The following CASKIN1 variants were observed in gnomAD, a reference collection of about 807,000 sequenced individuals.
CASKIN1 encodes the protein CASK interacting protein 1.
CASKIN1 carries 42 observed loss-of-function variants against 117.5 expected under a neutral mutation model. The ratio of observed to expected loss-of-function variants is 0.36; its 90% CI spans 0.28 to 0.46. The LOEUF (loss-of-function observed/expected upper bound fraction) is 0.46, where lower values mean the gene tolerates loss of function less well. Among genes scored for constraint, CASKIN1 ranks in the 20% least tolerant of loss-of-function variants. The pLI is 1.00. For synonymous variants in CASKIN1, 1,148 were observed against 961.7 expected (o/e 1.19, Z -3.59); for missense variants, 2,083 against 2,077.3 (o/e 1.00, Z -0.05).
chr16:2,184,244 A>T (rs976607146), intron 14 of CASKIN1, among the ~76,000 whole-genome samples: 1 of 151,958 alleles, frequency 6.6e-6, no homozygotes, highest in Non-Finnish European at 1.5e-5. Context: ...CTGCTCCTGC[A>T]CCAGGGACGC....
Position 2,187,035 on chromosome 16 carries a change from A to C in CASKIN1, c.873T>G (p.Asp291Glu), listed in dbSNP as rs776123737. The change falls in exon 9 of 20, where the codon GAT becomes GAG. Residue 291 changes from aspartate to glutamate, a missense_variant. Asp to Glu is a conservative substitution (Grantham distance 45, BLOSUM62 2). Transcript: ENST00000343516. ...TGGTCAGGTCGTAATTGTTGCAATAATCCTTGGTCGCCCGGACCTGCAGGG... is the reference window on the plus strand; with the variant it reads ...TGGTCAGGTCGTAATTGTTGCAATACTCCTTGGTCGCCCGGACCTGCAGGG... ...SAALQVRATKDYCNNYDLTSL... is the reference protein window; with the variant it reads ...SAALQVRATKEYCNNYDLTSL... The C allele has an allele frequency of 5.6e-6, 9 of 1,613,636 alleles. No individual in the cohort carries two copies. Among genetic ancestry groups the C allele is most frequent in the Non-Finnish European group, 7.6e-6 (9 of 1,179,884 alleles).
In CASKIN1 at chr16:2,185,197, C is replaced by T. The variant is rs764148719; in HGVS notation, c.1153G>A (p.Gly385Arg). Residue 385 changes from glycine to arginine, a missense_variant and splice_region_variant, in exon 12 of 20, where the codon GGG becomes AGG. Coordinates refer to ENST00000343516, the MANE Select transcript of CASKIN1 (RefSeq NM_020764.4). ...CCGCTAATGCTGCCGCTTCGGTCCC[C>T]ACCTGCCAGCACAAGGGAGCAAGAT... is the stretch of plus-strand genomic sequence containing the variant. ...IWVLRKPFAG[G>R]DRSGSISGMA... 16 of 1,611,258 alleles carry T rather than the reference C, an allele frequency of 9.9e-6. No homozygotes were observed. Among genetic ancestry groups the T allele is most frequent in the South Asian group, 3.3e-5 (3 of 90,858 alleles).
Position 2,196,366 on chromosome 16 carries a change from G to C in CASKIN1, c.67C>G (p.Leu23Val). Residue 23 changes from leucine (L) to valine (V), a missense_variant, in exon 1 of 20, where the codon CTG (leucine) becomes GTG (valine). Leu to Val is a conservative substitution (Grantham distance 32). Transcript: ENST00000343516. The surrounding 1 kb of genome is among the most constrained non-coding windows in gnomAD (Gnocchi z 5.7). ...GCCTTCCCGGGCCGCGGCCTCTGCA[G>C]CAGCCTCTGCGCGGTCCCTACGTCC... ...AEDVGTAQRL[L>V]QRPRPGKAKL... The C allele has an allele frequency of 7.4e-7, 1 of 1,351,204 alleles. No homozygotes were observed. The highest frequency in any genetic ancestry group is 9.6e-7 in the Non-Finnish European group (1 of 1,038,594). 83.7% of individuals were successfully genotyped at this position (1,351,204 alleles called of 1,614,324 possible).
Position 2,180,450 on chromosome 16 carries a change from T to G in CASKIN1, c.2918A>C (p.Glu973Ala), listed in dbSNP as rs1165600446. The G allele has an allele frequency of 1.9e-6, 3 of 1,559,410 alleles. No individual in the cohort carries two copies. Among genetic ancestry groups the G allele is most frequent in the Non-Finnish European group, 2.6e-6 (3 of 1,159,700 alleles). ...TGCCCGGACCCCCAGCAGGCCATCC[T>G]CAGGCTCGGCGTCAGGCACCGGCTC... ...ADEPVPDAEP[E>A]DGLLGVRAQC... The change falls in exon 18 of 20, where the codon GAG becomes GCG. Residue 973 changes from glutamate (E) to alanine (A), a missense_variant. This residue lies in a region of CASKIN1 where 1,818 missense variants were observed against 1,688.9 expected (regional missense o/e 1.08). Coordinates refer to ENST00000343516, the MANE Select transcript of CASKIN1 (RefSeq NM_020764.4).
At position 2,179,734 on chromosome 16, in the gene CASKIN1, G is replaced by T. The variant is rs749383593; in HGVS notation, c.3634C>A (p.Pro1212Thr). 1.4e-5 allele frequency: 22 copies of T among 1,553,060 alleles called. No homozygotes were observed. In the East Asian group the frequency reaches 5.0e-4, roughly 35 times the overall value. The part of the protein sequence containing the change: ...PTDLAHLPPL[P>T]PPEGEARKPA... ...TTCCGGGCTTCGCCCTCGGGCGGGG[G>T]CAATGGGGGTAGGTGCGCCAGGTCG... Residue 1212 changes from proline (P) to threonine (T), a missense_variant, in exon 18 of 20, where the codon CCC becomes ACC. By Grantham distance (38) the Pro-to-Thr change is conservative. Transcript: ENST00000343516. This position sits in a 1 kb window ranked among gnomAD's most constrained non-coding sequence, Gnocchi z 5.8.
intron 14 of CASKIN1, among the ~76,000 whole-genome samples, chr16:2,184,176 T>TG (rs1446580895): frequency 3.9e-5 from 4 of 101,898 alleles, no homozygotes; most frequent in Non-Finnish European, 6.5e-5. Flanking sequence ...TCTCCACCGG[T>TG]GGGGGGAGGG....
intron 1 of CASKIN1, among the ~76,000 whole-genome samples, chr16:2,193,557 G>A (rs1303345646): frequency 6.6e-6 from 1 of 152,186 alleles, no homozygotes; most frequent in Non-Finnish European, 1.5e-5. Flanking sequence ...TCCAAGCCAG[G>A]CCCTGTCCTC....
chr16:2,193,451 C>T lies in CASKIN1; in HGVS notation c.94+2888G>A, dbSNP rs1032251926. 2.0e-5 allele frequency among the ~76,000 whole-genome samples: 3 copies of T among 152,238 alleles called. No homozygotes were observed. The South Asian group carries it at 6.2e-4, about 31-fold the overall frequency. ...CAGGTGTCACTGTCCCGTGCATCCCCGCCAGGACCACACTCAGGAGGTTCT... is the reference window on the plus strand; with the variant it reads ...CAGGTGTCACTGTCCCGTGCATCCCTGCCAGGACCACACTCAGGAGGTTCT... On this transcript the variant is annotated intron_variant, in intron 1 of 19. Coordinates refer to ENST00000343516, the MANE Select transcript of CASKIN1 (RefSeq NM_020764.4).
At chr16:2,192,394 G>A (rs552818378) in intron 1 of CASKIN1, among the ~76,000 whole-genome samples, 6 of 152,082 alleles carry the variant, frequency 3.9e-5, no homozygotes, top group Non-Finnish European at 8.8e-5. Flanking sequence ...GGGAGGGGAG[G>A]CCGACAACGG....
Position 2,179,036 on chromosome 16 carries a change from C to CGCGGCGGCG in CASKIN1, c.4056_4064dup (p.Ala1353_Ala1355dup), listed in dbSNP as rs553373927. On this transcript the variant is annotated inframe_insertion, in exon 19 of 20. Coordinates refer to ENST00000343516, the MANE Select transcript of CASKIN1 (RefSeq NM_020764.4). This position sits in a 1 kb window ranked among gnomAD's most constrained non-coding sequence, Gnocchi z 5.8. ...AGGCGCCTTCGGGCGGGGCGGGGGGCGCGGCGGCGGCGGCGGCGGCGGCGG... is the reference window on the plus strand; with the variant it reads ...AGGCGCCTTCGGGCGGGGCGGGGGGCGCGGCGGCGGCGGCGGCGGCGGCGGCGGCGGCGG... The CGCGGCGGCG allele has an allele frequency of 1.4e-4, 155 of 1,116,492 alleles. No individual in the cohort carries two copies. In the South Asian group the frequency reaches 1.6e-3, roughly 12 times the overall value. The allele number at this position is 1,116,492 out of a possible 1,614,324, so 69.2% of individuals were successfully genotyped here. A position where few individuals can be genotyped will look rare whatever the true frequency, so the allele number is the denominator to read the frequency against.
At position 2,179,991 on chromosome 16, in the gene CASKIN1, C is replaced by T; in HGVS notation, c.3377G>A (p.Arg1126Lys). The T allele has an allele frequency of 1.2e-6, 2 of 1,604,970 alleles. No individual in the cohort carries two copies. The highest frequency in any genetic ancestry group is 1.7e-6 in the Non-Finnish European group (2 of 1,176,284). Reference protein sequence around the residue: ...AKVEASATLKRRIRAKQNQQE... With the variant: ...AKVEASATLKKRIRAKQNQQE... ...CTGGTTCTGCTTGGCCCGGATGCGC[C>T]TCTTGAGTGTGGCGCTGGCTTCCAC... The change falls in exon 18 of 20, where the codon AGG (arginine) becomes AAG (lysine). Residue 1126 changes from arginine (R) to lysine (K), a missense_variant. By Grantham distance (26) the Arg-to-Lys change is conservative (BLOSUM62 2). Transcript: ENST00000343516. The surrounding 1 kb of genome is among the most constrained non-coding windows in gnomAD (Gnocchi z 5.8).
Position 2,181,879 on chromosome 16 carries a change from C to T in CASKIN1, c.1680G>A (p.Lys560=). ...TCTCGTAGCCATTGTCCACCAACAC[C>T]TTGTAGTACTGGGCCAGGCCGATCA... ...LSMIGLAQYY[K]VLVDNGYENI... is the part of the protein sequence containing the mutation. The change falls in exon 17 of 20, where the codon AAG becomes AAA. Residue 560 remains lysine, a synonymous_variant. Transcript: ENST00000343516. The T allele has an allele frequency of 3.1e-6, 5 of 1,613,828 alleles. No homozygotes were observed. The highest frequency in any genetic ancestry group is 1.1e-5 in the South Asian group (1 of 91,086).
intron 19 of CASKIN1, 58 bp downstream of exon 19, chr16:2,178,843 GC>G: frequency 7.4e-7 from 1 of 1,355,638 alleles, no homozygotes; most frequent in Non-Finnish European, 9.5e-7. Flanking sequence ...TCTCTGCCGA[GC>G]CCCGCCCATC....
Position 2,183,646 on chromosome 16 carries a change from G to C in CASKIN1, c.1629C>G (p.Pro543=). The change falls in exon 16 of 20, where the codon CCC becomes CCG. Residue 543 remains proline (P), a splice_region_variant and synonymous_variant. Transcript: ENST00000343516. Reference sequence around the variant, plus strand: ...GCCCCTGGGATGCAGGTGGCCTTACGGGTTTGTGCTCAGGCAGCCAGTCAG... The same window carrying C: ...GCCCCTGGGATGCAGGTGGCCTTACCGGTTTGTGCTCAGGCAGCCAGTCAG... The part of the protein sequence containing the change: ...SIPDWLPEHK[P]ANLAVWLSMI... 2 of 1,612,804 alleles carry C rather than the reference G, an allele frequency of 1.2e-6. No homozygotes were observed. The highest frequency in any genetic ancestry group is 1.7e-6 in the Non-Finnish European group (2 of 1,179,726).
In CASKIN1 at chr16:2,180,511, A is replaced by C; in HGVS notation, c.2857T>G (p.Ser953Ala). The change falls in exon 18 of 20, where the codon TCC becomes GCC. Residue 953 changes from serine to alanine, a missense_variant. Ser to Ala is a moderately conservative substitution (Grantham distance 99). Around this residue, in one of 3 missense-constraint regions of CASKIN1, gnomAD observed 1,818 missense variants for 1,688.9 expected, o/e 1.08. Transcript: ENST00000343516. ...TTGGCACTAGCCAGGGCCGAGCTGG[A>C]GCGCTTGGGTGGGGGCGGCGGGGGC... ...KGPPPPPPKR[S>A]SSALASANLA... 1 of 1,551,286 alleles carries C rather than the reference A, an allele frequency of 6.4e-7. No homozygotes were observed. Among genetic ancestry groups the C allele is most frequent in the Non-Finnish European group, 8.7e-7 (1 of 1,154,568 alleles).
chr16:2,178,878 C>T, intron 19 of CASKIN1, 24 bp downstream of exon 19: 2 of 1,399,940 alleles, frequency 1.4e-6, no homozygotes, highest in East Asian at 3.1e-5. Context: ...GCCCTCCGCC[C>T]GCCAGGCCCC....
In CASKIN1 at chr16:2,179,545, G is replaced by A. The variant is rs1170791911; in HGVS notation, c.3775+48C>T. On this transcript the variant is annotated intron_variant, in intron 18 of 19. Coordinates refer to ENST00000343516, the MANE Select transcript of CASKIN1 (RefSeq NM_020764.4). This position sits in a 1 kb window ranked among gnomAD's most constrained non-coding sequence, Gnocchi z 5.8. ...AACCCCTCAGACCACCGAGTAAGGAGGTGGAGCAGGGTCCTGTTGCCCCTT... is the reference window on the plus strand; with the variant it reads ...AACCCCTCAGACCACCGAGTAAGGAAGTGGAGCAGGGTCCTGTTGCCCCTT... 2 of 1,412,872 alleles carry A rather than the reference G, an allele frequency of 1.4e-6. No individual in the cohort carries two copies. The highest frequency in any genetic ancestry group is 2.6e-5 in the East Asian group (1 of 37,812). 87.5% of individuals were successfully genotyped at this position (1,412,872 alleles called of 1,614,324 possible). A position where few individuals can be genotyped will look rare whatever the true frequency, so the allele number is the denominator to read the frequency against.
chr16:2,187,493 C>A (rs1714792784), intron 6 of CASKIN1, 32 bp from the exon 7 acceptor site: 1 of 1,577,752 alleles, frequency 6.3e-7, no homozygotes, highest in Non-Finnish European at 8.6e-7. Flanking sequence ...CAGGCGGGGC[C>A]TTCCAGCAGG....
At chr16:2,190,485 A>G in intron 1 of CASKIN1, 127 bp from the exon 2 acceptor site, 2 of 833,960 alleles carry the variant, frequency 2.4e-6, no homozygotes, top group South Asian at 3.1e-5. Context: ...GTCTGCAGAC[A>G]CTCACTCGTC....
Sources: gnomAD v4.1 joint callset for allele counts (sites outside exome capture counted in the v4.1 genomes callset) on GRCh38, gnomAD v4.1.1 for gene constraint, gnomAD v4.1.1 regional missense constraint, Gnocchi (gnomAD v3.1) non-coding constraint, MANE v1.5 for transcripts, NCBI Gene and HGNC (gene_info 2026-07-23, HGNC 2026-07-21) for gene names.